The following BBX variants were observed in gnomAD, a reference collection of about 807,000 sequenced individuals.
The protein encoded by BBX is BBX high mobility group box domain containing.
In BBX, 30 loss-of-function variants were observed where a neutral mutation model predicts 100.2. That is an observed-to-expected ratio of 0.30 (90% CI 0.22 to 0.41). The LOEUF is 0.41. Among genes scored for constraint, BBX ranks in the 10% least tolerant of loss-of-function variants. BBX has a pLI of 1.00. For missense variants in BBX, 1,023 were observed against 1,129.8 expected, an observed-to-expected ratio of 0.91 and a Z score of 1.35; for synonymous variants, 376 against 388.1, an observed-to-expected ratio of 0.97 and a Z score of 0.37.
At chr3:107,781,727 A>G (rs2067910047) in intron 13 of BBX, among the ~76,000 whole-genome samples, 1 of 152,062 alleles carries the variant, frequency 6.6e-6, no homozygotes, top group Non-Finnish European at 1.5e-5. Context: ...CCTCATCTTG[A>G]CTTATTAGAC....
intron 7 of BBX, among the ~76,000 whole-genome samples, chr3:107,736,526 T>C (rs1036629484): frequency 3.9e-5 from 6 of 151,910 alleles, no homozygotes; most frequent in African/African-American, 1.4e-4. Flanking sequence ...GGCAGAGAAT[T>C]AAGCCTTTAT....
intron 2 of BBX, among the ~76,000 whole-genome samples, chr3:107,613,714 A>C (rs1405376361): frequency 6.6e-6 from 1 of 152,112 alleles, no homozygotes; most frequent in Non-Finnish European, 1.5e-5. Context: ...AGAATTTTAA[A>C]ATGTAAAGAT....
chr3:107,564,791 A>G (rs1387535640), intron 2 of BBX, among the ~76,000 whole-genome samples: 1 of 152,198 alleles, frequency 6.6e-6, no homozygotes, highest in Non-Finnish European at 1.5e-5. Context: ...GATAGAGCAA[A>G]TTCTCTTATT....
intron 2 of BBX, among the ~76,000 whole-genome samples, chr3:107,563,106 G>T (rs1376656114): frequency 6.6e-6 from 1 of 152,208 alleles, no homozygotes; most frequent in Non-Finnish European, 1.5e-5. Context: ...TCCCATGTGG[G>T]AGGAGTGCTC....
At chr3:107,588,774 A>G (rs2053057351) in intron 2 of BBX, among the ~76,000 whole-genome samples, 1 of 152,234 alleles carries the variant, frequency 6.6e-6, no homozygotes, top group East Asian at 1.9e-4. Flanking sequence ...AATTGAACAT[A>G]TAACATGTTT....
At chr3:107,648,333 A>G (rs1386197689) in intron 3 of BBX, among the ~76,000 whole-genome samples, 1 of 152,176 alleles carries the variant, frequency 6.6e-6, no homozygotes, top group Non-Finnish European at 1.5e-5. Context: ...ATAGACTTAC[A>G]TTATTCTTTT....
rs185961175 is a variant in BBX, at chr3:107,601,221, C to A, written c.-83-44615C>A. Among the ~76,000 whole-genome samples the A allele has an allele frequency of 3.1e-3, 475 of 152,214 alleles. 3 individuals carry two copies. Among genetic ancestry groups the A allele is most frequent in the Non-Finnish European group, 5.4e-3 (364 of 68,026 alleles). ...TCCCATCTTTCTCCCTCAGGCCTCC[C>A]GATTGTCTCCAACACAACAATATTG... On this transcript the variant is annotated intron_variant, in intron 2 of 17. Coordinates refer to ENST00000325805, the MANE Select transcript of BBX (RefSeq NM_001142568.3).
intron 2 of BBX, among the ~76,000 whole-genome samples, chr3:107,624,339 T>G (rs370752212): frequency 6.6e-5 from 10 of 152,348 alleles, no homozygotes; most frequent in East Asian, 1.9e-4. Flanking sequence ...CTTGTTTTTT[T>G]TGTGTGTGTG....
At chr3:107,577,947 G>A (rs763017644) in intron 2 of BBX, among the ~76,000 whole-genome samples, 9 of 152,066 alleles carry the variant, frequency 5.9e-5, no homozygotes, top group Non-Finnish European at 1.2e-4. Flanking sequence ...CAAAGAAGTA[G>A]GGGGAAAAAA....
intron 17 of BBX, among the ~76,000 whole-genome samples, chr3:107,805,130 G>T (rs2070954733): frequency 6.6e-6 from 1 of 151,982 alleles, no homozygotes; most frequent in Admixed American, 6.6e-5. Flanking sequence ...TTGTATGAGG[G>T]GAATTCAGAT....
At chr3:107,560,942 T>C (rs971989522) in intron 2 of BBX, among the ~76,000 whole-genome samples, 16 of 152,244 alleles carry the variant, frequency 1.1e-4, no homozygotes, top group Non-Finnish European at 1.9e-4. Context: ...AAGTGTACTA[T>C]TGATATTTTA....
At chr3:107,629,801 A>G (rs2056434633) in intron 2 of BBX, among the ~76,000 whole-genome samples, 1 of 152,176 alleles carries the variant, frequency 6.6e-6, no homozygotes, top group Non-Finnish European at 1.5e-5. Flanking sequence ...TGAACCAACC[A>G]CATCTCTTCC....
intron 13 of BBX, among the ~76,000 whole-genome samples, chr3:107,783,879 A>T (rs527863278): frequency 6.6e-6 from 1 of 151,994 alleles, no homozygotes; most frequent in Non-Finnish European, 1.5e-5. Flanking sequence ...TTCATTTCAA[A>T]CCACCGCTAG....
intron 6 of BBX, among the ~76,000 whole-genome samples, chr3:107,730,744 G>A (rs927916644): frequency 1.3e-5 from 2 of 152,140 alleles, no homozygotes; most frequent in African/African-American, 4.8e-5. Flanking sequence ...ATCTCATTAT[G>A]TAATGGCTTG....
intron 3 of BBX, among the ~76,000 whole-genome samples, chr3:107,695,029 A>G (rs2060479989): frequency 6.7e-6 from 1 of 149,178 alleles, no homozygotes; most frequent in Non-Finnish European, 1.5e-5. Context: ...TTTCTGTGGG[A>G]TCGGTGGTGA....
intron 3 of BBX, chr3:107,677,396 T>C (rs1386220857): frequency 6.6e-6 from 1 of 152,114 alleles, no homozygotes; most frequent in Non-Finnish European, 1.5e-5. Flanking sequence ...CTGAAAAATT[T>C]CTTAGTGTTG....
chr3:107,724,935 T>C (rs1179813934), intron 5 of BBX, among the ~76,000 whole-genome samples: 1 of 152,212 alleles, frequency 6.6e-6, no homozygotes, highest in Non-Finnish European at 1.5e-5. Flanking sequence ...TTTTTTCCAA[T>C]TCTGTGAAGA....
chr3:107,533,315 A>G (rs1408523084), intron 2 of BBX, among the ~76,000 whole-genome samples: 2 of 152,212 alleles, frequency 1.3e-5, no homozygotes, highest in Admixed American at 1.3e-4. Context: ...ATGCCTAACC[A>G]CTTAACCCAA....
chr3:107,662,052 T>A, intron 3 of BBX: 1 of 285,054 alleles, frequency 3.5e-6, no homozygotes, highest in Non-Finnish European at 5.3e-6. Context: ...AATAAATTTG[T>A]AAACTCTTGT....
Sources: allele counts gnomAD v4.1 joint callset (sites outside exome capture counted in the v4.1 genomes callset), GRCh38; gene constraint gnomAD v4.1.1; transcripts MANE v1.5; gene names NCBI Gene and HGNC (gene_info 2026-07-23, HGNC 2026-07-21).